SLC36A1: variants seen among roughly 807,000 people sequenced by gnomAD.
SLC36A1 encodes proton-coupled amino acid transporter 1.
In SLC36A1, 30 loss-of-function variants were observed where a neutral mutation model predicts 47.5. The observed-to-expected ratio is 0.63, with a 90% CI of 0.47 to 0.86. SLC36A1 has a LOEUF of 0.86. SLC36A1 is among the 40% of genes least tolerant of loss of function. The pLI, the probability that SLC36A1 is intolerant of heterozygous loss-of-function variation, is 0.00. For synonymous variants in SLC36A1, 255 were observed against 249.7 expected, an observed-to-expected ratio of 1.02 and a Z score of -0.20; for missense variants, 517 against 606.0, an observed-to-expected ratio of 0.85 and a Z score of 1.54.
At chr5:151,413,265 A>G in the SLC36A1 span, among the ~76,000 whole-genome samples, 1 of 151,336 alleles carries the variant, frequency 6.6e-6, no homozygotes, top group Non-Finnish European at 1.5e-5. Flanking sequence ...TTGTTTTATG[A>G]TGGTGAAAAT....
chr5:151,504,211 C>T, the SLC36A1 span: 3 of 152,794 alleles, frequency 2.0e-5, no homozygotes, highest in Non-Finnish European at 4.4e-5. Flanking sequence ...TTGGCTCTCG[C>T]CCACACATCT....
chr5:151,408,924 G>A, the SLC36A1 span, among the ~76,000 whole-genome samples: 1 of 152,190 alleles, frequency 6.6e-6, no homozygotes, highest in East Asian at 1.9e-4. Flanking sequence ...TTCCAACCAG[G>A]GGAGTAGTAA....
chr5:151,542,156 G>C, the SLC36A1 span: 1 of 794,158 alleles, frequency 1.3e-6, no homozygotes, highest in Non-Finnish European at 2.0e-6. Context: ...GGTCCTAGGG[G>C]GTTAAGTGTG....
At chr5:151,523,032 T>C in the SLC36A1 span, among the ~76,000 whole-genome samples, 1 of 152,164 alleles carries the variant, frequency 6.6e-6, no homozygotes, top group Non-Finnish European at 1.5e-5. Context: ...AGGCTTGCCT[T>C]CTTCTCCTCA....
At chr5:151,376,922 C>T in the SLC36A1 span, among the ~76,000 whole-genome samples, 18 of 152,158 alleles carry the variant, frequency 1.2e-4, no homozygotes, top group African/African-American at 2.2e-4. Context: ...CATGAGCCGC[C>T]GCACCCGGCC....
At chr5:151,432,548 G>T (rs777239930), upstream of SLC36A1, among the ~76,000 whole-genome samples, 3 of 152,154 alleles carry the variant, frequency 2.0e-5, no homozygotes, top group African/African-American at 7.2e-5. Flanking sequence ...TTATCCCCTG[G>T]TTATTCAATT....
Position 151,465,945 on chromosome 5 carries a change from TA to T in SLC36A1, c.419+789del, listed in dbSNP as rs35854261. ...GATACTATCAAGGGCTAAAAATTCT[TA>T]AAAAAAAAAAAAGAACCACATTAAA... On this transcript the variant is annotated intron_variant, in intron 5 of 10. Coordinates refer to ENST00000243389, the MANE Select transcript of SLC36A1 (RefSeq NM_078483.4). 7.2e-3 allele frequency among the ~76,000 whole-genome samples: 1,063 copies of T among 146,952 alleles called. 2 individuals carry two copies. The highest frequency in any genetic ancestry group is 0.011 in the Middle Eastern group (3 of 284).
chr5:151,352,700 G>A, the SLC36A1 span, among the ~76,000 whole-genome samples: 10 of 152,218 alleles, frequency 6.6e-5, no homozygotes, highest in South Asian at 2.1e-4. Context: ...CCCTTGGCTC[G>A]TGGCTCCTTC....
chr5:151,382,523 T>C, the SLC36A1 span: 1 of 487,258 alleles, frequency 2.1e-6, no homozygotes, highest in African/African-American at 2.0e-5. Flanking sequence ...GCCAAATGAG[T>C]GCAAAGTGTG....
In SLC36A1 at chr5:151,488,475, C is replaced by T. The variant is rs1472657801; in HGVS notation, c.*221C>T. 17 of 595,510 alleles carry T rather than the reference C, an allele frequency of 2.9e-5. No homozygotes were observed. The highest frequency in any genetic ancestry group is 1.3e-4 in the African/African-American group (7 of 53,776). 36.9% of individuals were successfully genotyped at this position (595,510 alleles called of 1,614,324 possible). A position where few individuals can be genotyped will look rare whatever the true frequency, so the allele number is the denominator to read the frequency against. On this transcript the variant is annotated 3_prime_UTR_variant, in exon 11 of 11. Coordinates refer to ENST00000243389, the MANE Select transcript of SLC36A1 (RefSeq NM_078483.4). ...GTGCTACTAGTGACAGGGCTGCCATCGCTCACCTGTACCTATTTACACCCA... is the reference window on the plus strand; with the variant it reads ...GTGCTACTAGTGACAGGGCTGCCATTGCTCACCTGTACCTATTTACACCCA...
At chr5:151,542,390 C>T in the SLC36A1 span, 1 of 1,614,166 alleles carries the variant, frequency 6.2e-7, no homozygotes, top group Non-Finnish European at 8.5e-7. Flanking sequence ...ACCACAGATC[C>T]TCTGTACTCT....
In SLC36A1 at chr5:151,476,652, C is replaced by T; in HGVS notation, c.885C>T (p.Gly295=). 6.2e-7 allele frequency: 1 copy of T among 1,613,008 alleles called. No individual in the cohort carries two copies. The highest frequency in any genetic ancestry group is 8.5e-7 in the Non-Finnish European group (1 of 1,179,464). The change falls in exon 9 of 11, where the codon GGC becomes GGT. Residue 295 remains glycine (G), a synonymous_variant. Transcript: ENST00000243389. ...AGTTCCCACTCATCCTGTACCTGGG[C>T]ATGGTCATCGTCACCATCCTCTACA... ...PRKFPLILYL[G]MVIVTILYIS...
the SLC36A1 span, among the ~76,000 whole-genome samples, chr5:151,553,621 A>G: frequency 2.0e-5 from 3 of 152,364 alleles, no homozygotes; most frequent in East Asian, 3.8e-4. Context: ...CATGGTTAGT[A>G]TAAAAATAAT....
the SLC36A1 span, chr5:151,544,889 G>C: frequency 5.0e-6 from 8 of 1,614,120 alleles, no homozygotes; most frequent in Non-Finnish European, 6.8e-6. Flanking sequence ...GTGCCATCTT[G>C]GATGATTGTG....
the SLC36A1 span, chr5:151,531,689 C>A: frequency 4.3e-6 from 7 of 1,613,864 alleles, no homozygotes; most frequent in South Asian, 5.5e-5. This position sits in a 1 kb window ranked among gnomAD's most constrained non-coding sequence, Gnocchi z 5.7. Flanking sequence ...AGCTGCAGCA[C>A]CTCCGTGCCA....
intron 1 of SLC36A1, among the ~76,000 whole-genome samples, chr5:151,451,623 C>T (rs1753672960): frequency 6.6e-6 from 1 of 152,148 alleles, no homozygotes; most frequent in Non-Finnish European, 1.5e-5. Flanking sequence ...TATTATGTTC[C>T]AGGCAACATA....
intron 5 of SLC36A1, among the ~76,000 whole-genome samples, chr5:151,466,356 C>T (rs1443905118): frequency 6.6e-6 from 1 of 152,190 alleles, no homozygotes; most frequent in Non-Finnish European, 1.5e-5. Flanking sequence ...TAGAAACATA[C>T]ACATGTTCTT....
the SLC36A1 span, among the ~76,000 whole-genome samples, chr5:151,405,288 A>T: frequency 6.8e-6 from 1 of 146,262 alleles, no homozygotes; most frequent in South Asian, 2.1e-4. Flanking sequence ...GAATTGCTTT[A>T]CTGACTTCCT....
the SLC36A1 span, among the ~76,000 whole-genome samples, chr5:151,390,808 A>C: frequency 0.5 from 75,463 of 152,026 alleles, 20,720 homozygotes; most frequent in African/African-American, 0.75. Flanking sequence ...TGGTTACTGT[A>C]GCCTTGTAAT....
Sources: gnomAD v4.1 joint callset for allele counts (sites outside exome capture counted in the v4.1 genomes callset) on GRCh38, gnomAD v4.1.1 for gene constraint, Gnocchi (gnomAD v3.1) non-coding constraint, MANE v1.5 for transcripts, NCBI Gene and HGNC (gene_info 2026-07-23, HGNC 2026-07-21) for gene names.